Variants in IFT25 observed in about 807,000 individuals in gnomAD.
IFT25 encodes the protein intraflagellar transport 25.
the IFT25 span, among the ~76,000 whole-genome samples, chr1:53,933,539 G>GCTTTATACTACATAA: frequency 6.6e-6 from 1 of 152,184 alleles, no homozygotes; most frequent in Non-Finnish European, 1.5e-5. Context: ...TATAACTACA[G>GCTTTATACTACATAA]CGACTTTCTT....
the IFT25 span, among the ~76,000 whole-genome samples, chr1:53,927,844 A>G: frequency 6.6e-6 from 1 of 152,080 alleles, no homozygotes; most frequent in Non-Finnish European, 1.5e-5. Flanking sequence ...CATAATATAC[A>G]CTGATCTCTC....
chr1:53,913,819 T>C, the IFT25 span, among the ~76,000 whole-genome samples: 1 of 152,182 alleles, frequency 6.6e-6, no homozygotes, highest in African/African-American at 2.4e-5. Flanking sequence ...GAGTGCACTC[T>C]CTGCACACAC....
the IFT25 span, among the ~76,000 whole-genome samples, chr1:53,918,399 G>A: frequency 2.0e-5 from 3 of 152,224 alleles, no homozygotes; most frequent in African/African-American, 7.2e-5. Flanking sequence ...TAGTTACTGT[G>A]TAGAACATTG....
the IFT25 span, among the ~76,000 whole-genome samples, chr1:53,934,802 C>T: frequency 5.3e-5 from 8 of 152,102 alleles, no homozygotes; most frequent in African/African-American, 1.9e-4. Flanking sequence ...AGTTCAAGAC[C>T]AGCACAGCCA....
At chr1:53,941,659 G>T in the IFT25 span, among the ~76,000 whole-genome samples, 1 of 152,144 alleles carries the variant, frequency 6.6e-6, no homozygotes, top group Non-Finnish European at 1.5e-5. Context: ...GGTGAATTCT[G>T]TAAATACAGA....
the IFT25 span, among the ~76,000 whole-genome samples, chr1:53,924,106 G>T: frequency 6.7e-6 from 1 of 148,840 alleles, no homozygotes; most frequent in East Asian, 2.0e-4. Context: ...AAAAATAGAG[G>T]TATATGATAC....
At chr1:53,923,775 C>G in the IFT25 span, 32 of 650,686 alleles carry the variant, frequency 4.9e-5, no homozygotes, top group Non-Finnish European at 6.0e-5. Flanking sequence ...ATAACTTTCT[C>G]TACCGGTTGA....
the IFT25 span, chr1:53,928,331 C>T: frequency 3.5e-6 from 5 of 1,413,298 alleles, no homozygotes; most frequent in East Asian, 2.3e-5. Context: ...GGAATATTAT[C>T]TACTCCTTCA....
the IFT25 span, chr1:53,916,557 C>G: frequency 5.5e-6 from 1 of 180,856 alleles, no homozygotes; most frequent in Non-Finnish European, 1.1e-5. Flanking sequence ...AATTTAGAAA[C>G]TTGGCAAAAA....
chr1:53,924,785 C>T, the IFT25 span, among the ~76,000 whole-genome samples: 1 of 152,008 alleles, frequency 6.6e-6, no homozygotes, highest in Non-Finnish European at 1.5e-5. Flanking sequence ...TGCAGTGAGC[C>T]GAGATCGCGC....
At chr1:53,925,926 A>C in the IFT25 span, among the ~76,000 whole-genome samples, 1 of 151,064 alleles carries the variant, frequency 6.6e-6, no homozygotes. Flanking sequence ...CATGGTGAAA[A>C]CTCTGTCTCT....
chr1:53,912,517 C>A, the IFT25 span, among the ~76,000 whole-genome samples: 2 of 152,188 alleles, frequency 1.3e-5, no homozygotes, highest in Non-Finnish European at 2.9e-5. Context: ...GAGGAGACAG[C>A]AATCCTCTGA....
chr1:53,939,870 C>A, the IFT25 span: 1 of 656,646 alleles, frequency 1.5e-6, no homozygotes, highest in East Asian at 2.9e-5. Flanking sequence ...TCAGGTAATC[C>A]ACCAAACATT....
At chr1:53,945,835 T>TCTCCGGCTCCCATTACTTC in the IFT25 span, 1 of 23,244 alleles carries the variant, frequency 4.3e-5, no homozygotes, top group Middle Eastern at 0.028. Flanking sequence ...GGCCCCGCCC[T>TCTCCGGCTCCCATTACTTC]GCCCTCAGCC....
At chr1:53,930,254 A>C in the IFT25 span, 3 of 1,034,762 alleles carry the variant, frequency 2.9e-6, no homozygotes, top group African/African-American at 1.7e-5. Context: ...GGATTCTCAC[A>C]TCTCCTTTCT....
chr1:53,936,470 C>T, the IFT25 span, among the ~76,000 whole-genome samples: 1 of 152,026 alleles, frequency 6.6e-6, no homozygotes, highest in Non-Finnish European at 1.5e-5. Flanking sequence ...AAAAAGACAT[C>T]TAACTAAATC....
the IFT25 span, among the ~76,000 whole-genome samples, chr1:53,932,836 G>GA: frequency 6.6e-6 from 1 of 152,178 alleles, no homozygotes; most frequent in African/African-American, 2.4e-5. Flanking sequence ...AAAGTGCTGG[G>GA]ATTACAGGCG....
the IFT25 span, among the ~76,000 whole-genome samples, chr1:53,938,359 CA>C: frequency 6.6e-6 from 1 of 151,992 alleles, no homozygotes; most frequent in Non-Finnish European, 1.5e-5. Context: ...AGAGAGGGAA[CA>C]AACATTAAAA....
chr1:53,941,261 G>C, the IFT25 span, among the ~76,000 whole-genome samples: 1 of 152,098 alleles, frequency 6.6e-6, no homozygotes, highest in Non-Finnish European at 1.5e-5. Flanking sequence ...CCAAAGTGCT[G>C]GGATTACAGG....
Sources: allele counts gnomAD v4.1 joint callset (sites outside exome capture counted in the v4.1 genomes callset), GRCh38; gene constraint gnomAD v4.1.1; transcripts MANE v1.5; gene names NCBI Gene and HGNC (gene_info 2026-07-23, HGNC 2026-07-21).